The following THSD7B variants were observed in gnomAD, a reference collection of about 807,000 sequenced individuals.
THSD7B encodes the protein thrombospondin type-1 domain-containing protein 7B.
Under a neutral mutation model 213.6 loss-of-function variants are expected in THSD7B, and 138 were observed. The observed-to-expected ratio is 0.65, with a 90% confidence interval of 0.56 to 0.74. The LOEUF (loss-of-function observed/expected upper bound fraction) is 0.74, where lower values mean the gene tolerates loss of function less well. Among genes scored for constraint, THSD7B ranks in the 30% least tolerant of loss-of-function variants. The probability of loss-of-function intolerance (pLI) is 0.00; values close to 1 mark genes in which losing one functional copy is unlikely to be tolerated. For synonymous variants in THSD7B, 742 were observed against 687.0 expected (o/e 1.08, Z -1.25); for missense variants, 1,931 against 1,991.5 (o/e 0.97, Z 0.58).
At chr2:136,883,621 A>G (rs1409654247) in intron 2 of THSD7B, among the ~76,000 whole-genome samples, 5 of 152,192 alleles carry the variant, frequency 3.3e-5, no homozygotes, top group Non-Finnish European at 5.9e-5. Flanking sequence ...TAAAAAATAT[A>G]TGGTTAAAAT....
intron 20 of THSD7B, among the ~76,000 whole-genome samples, chr2:137,626,761 T>G (rs1682639651): frequency 6.6e-6 from 1 of 152,196 alleles, no homozygotes; most frequent in African/African-American, 2.4e-5. Flanking sequence ...CCACCAGGTA[T>G]GCTATTCTTT....
chr2:137,286,712 G>A (rs1683191257), intron 12 of THSD7B, among the ~76,000 whole-genome samples: 2 of 151,552 alleles, frequency 1.3e-5, no homozygotes, highest in Non-Finnish European at 2.9e-5. Flanking sequence ...AGGAGGAGGA[G>A]GAGAAAGGTT....
chr2:137,440,596 C>CA (rs1014720034), intron 14 of THSD7B, among the ~76,000 whole-genome samples: 8 of 151,950 alleles, frequency 5.3e-5, no homozygotes, highest in African/African-American at 1.9e-4. Context: ...CAGTTCCAGC[C>CA]AATTGTTGCT....
intron 7 of THSD7B, among the ~76,000 whole-genome samples, chr2:137,210,340 C>T (rs761405945): frequency 2.0e-5 from 3 of 151,826 alleles, no homozygotes; most frequent in African/African-American, 4.8e-5. Context: ...AGTAGACATA[C>T]AATATTAAAA....
chr2:137,051,392 T>G (rs1472333889), intron 2 of THSD7B, among the ~76,000 whole-genome samples: 1 of 152,222 alleles, frequency 6.6e-6, no homozygotes, highest in Non-Finnish European at 1.5e-5. Flanking sequence ...TTTTAGAAAG[T>G]GAACTTTCTT....
intron 15 of THSD7B, among the ~76,000 whole-genome samples, chr2:137,504,037 GAAAA>G (rs544461114): frequency 8.1e-6 from 1 of 124,206 alleles, no homozygotes; most frequent in South Asian, 2.7e-4. Flanking sequence ...AAAAAAAAAA[GAAAA>G]AAAAAAAAGA....
chr2:137,563,520 C>T (rs1306162919), intron 16 of THSD7B, among the ~76,000 whole-genome samples, 166 bp downstream of exon 16: 2 of 152,134 alleles, frequency 1.3e-5, no homozygotes, highest in African/African-American at 4.8e-5. Context: ...TCCTTACCTG[C>T]CATGTGTATA....
chr2:137,096,513 T>G lies in THSD7B; in HGVS notation c.1199+1392T>G, dbSNP rs1688043078. Among the ~76,000 whole-genome samples the G allele has an allele frequency of 2.0e-5, 3 of 152,198 alleles. No homozygotes were observed. In the South Asian group the frequency reaches 6.2e-4, roughly 32 times the overall value. On this transcript the variant is annotated intron_variant, in intron 4 of 27. Coordinates refer to ENST00000409968, the MANE Select transcript of THSD7B (RefSeq NM_001316349.2). Reference sequence around the variant, plus strand: ...CCTTATATTCTTATTGTTAATATTTTGCTAAAATGACCCCTTAGATTTGTA... The same window carrying G: ...CCTTATATTCTTATTGTTAATATTTGGCTAAAATGACCCCTTAGATTTGTA...
intron 1 of THSD7B, among the ~76,000 whole-genome samples, chr2:136,847,148 G>T (rs1475409742): frequency 6.6e-6 from 1 of 152,120 alleles, no homozygotes; most frequent in Non-Finnish European, 1.5e-5. Flanking sequence ...ATAAACGTCC[G>T]GAAAGGAAGC....
intron 2 of THSD7B, among the ~76,000 whole-genome samples, chr2:136,948,602 G>A (rs16837653): frequency 0.021 from 3,254 of 152,202 alleles, 184 homozygotes; most frequent in East Asian, 0.21. Context: ...TGTATGATAT[G>A]TATAAGAATG....
chr2:137,544,363 A>T (rs148590773), intron 15 of THSD7B, among the ~76,000 whole-genome samples: 23 of 151,986 alleles, frequency 1.5e-4, no homozygotes, highest in Non-Finnish European at 1.6e-4. Flanking sequence ...AGATTATATC[A>T]TTCTATTTAT....
chr2:137,649,586 A>G (rs1318171452), intron 21 of THSD7B, among the ~76,000 whole-genome samples: 3 of 152,314 alleles, frequency 2.0e-5, no homozygotes, highest in African/African-American at 4.8e-5. Flanking sequence ...TGAGTTGTCT[A>G]TAAATGCATG....
At chr2:137,300,953 A>G (rs1285504091) in intron 12 of THSD7B, among the ~76,000 whole-genome samples, 1 of 152,144 alleles carries the variant, frequency 6.6e-6, no homozygotes, top group Non-Finnish European at 1.5e-5. Context: ...TGGTGCTGGC[A>G]TGATGAGGGC....
chr2:137,112,591 T>G (rs1489241335), intron 4 of THSD7B, among the ~76,000 whole-genome samples: 1 of 152,242 alleles, frequency 6.6e-6, no homozygotes, highest in Non-Finnish European at 1.5e-5. Flanking sequence ...AAAAGCAATT[T>G]ATACAGAATG....
intron 14 of THSD7B, among the ~76,000 whole-genome samples, chr2:137,444,876 A>G (rs1687494546): frequency 6.6e-6 from 1 of 152,074 alleles, no homozygotes; most frequent in African/African-American, 2.4e-5. Context: ...TCATTCAATA[A>G]GGGATTAATA....
chr2:137,464,645 A>G (rs991085711), intron 15 of THSD7B, among the ~76,000 whole-genome samples: 23 of 152,228 alleles, frequency 1.5e-4, no homozygotes, highest in Middle Eastern at 6.8e-3. Flanking sequence ...CCTTAGGCAT[A>G]GAAATACAGA....
chr2:136,941,979 G>A (rs1684836023), intron 2 of THSD7B, among the ~76,000 whole-genome samples: 1 of 152,110 alleles, frequency 6.6e-6, no homozygotes, highest in Non-Finnish European at 1.5e-5. Flanking sequence ...TATGGTTTTA[G>A]GTCTAACATT....
chr2:137,651,463 T>G (rs1056658764), intron 21 of THSD7B, among the ~76,000 whole-genome samples: 12 of 152,014 alleles, frequency 7.9e-5, no homozygotes, highest in African/African-American at 2.9e-4. Flanking sequence ...TCTTCTTTTT[T>G]CTTAGTCTAG....
chr2:137,663,259 G>A (rs1454399768), intron 25 of THSD7B, 124 bp from the exon 26 acceptor site: 2 of 720,988 alleles, frequency 2.8e-6, no homozygotes, highest in Admixed American at 4.1e-5. Flanking sequence ...TGGTAAGTCA[G>A]TTGCCCCAAA....
Sources: gnomAD v4.1 joint callset for allele counts (sites outside exome capture counted in the v4.1 genomes callset) on GRCh38, gnomAD v4.1.1 for gene constraint, MANE v1.5 for transcripts, NCBI Gene and HGNC (gene_info 2026-07-23, HGNC 2026-07-21) for gene names.